Variants in AP3B1 observed in about 807,000 individuals in gnomAD.
AP3B1 encodes AP-3 complex subunit beta-1.
In AP3B1, 61 loss-of-function variants were observed where a neutral mutation model predicts 132.5. The ratio of observed to expected loss-of-function variants is 0.46; its 90% CI spans 0.37 to 0.57. The LOEUF (loss-of-function observed/expected upper bound fraction) is 0.57. Among genes scored for constraint, AP3B1 ranks in the 20% least tolerant of loss-of-function variants. The pLI is 0.00. For synonymous variants in AP3B1, 388 were observed against 438.3 expected, an observed-to-expected ratio of 0.89 and a Z score of 1.43; for missense variants, 1,120 against 1,289.4, an observed-to-expected ratio of 0.87 and a Z score of 2.01.
intron 3 of AP3B1, among the ~76,000 whole-genome samples, chr5:78,231,629 CAACA>C (rs1471549004): frequency 6.6e-6 from 1 of 152,016 alleles, no homozygotes; most frequent in Non-Finnish European, 1.5e-5. Flanking sequence ...GAAAGAACAA[CAACA>C]AACAAACAGA....
intron 2 of AP3B1, among the ~76,000 whole-genome samples, chr5:78,242,654 C>T (rs1416640073): frequency 6.6e-6 from 1 of 151,972 alleles, no homozygotes; most frequent in African/African-American, 2.4e-5. Context: ...TGATCCACCC[C>T]CCTCGGCCTC....
At chr5:78,176,233 G>A (rs1288834944) in intron 9 of AP3B1, among the ~76,000 whole-genome samples, 1 of 151,894 alleles carries the variant, frequency 6.6e-6, no homozygotes, top group Non-Finnish European at 1.5e-5. Flanking sequence ...TTTAAAAGTA[G>A]TCATGTTATT....
At chr5:78,138,089 T>C (rs948992618) in intron 15 of AP3B1, among the ~76,000 whole-genome samples, 1 of 152,234 alleles carries the variant, frequency 6.6e-6, no homozygotes, top group Non-Finnish European at 1.5e-5. Context: ...TCAAAACAAT[T>C]ATTTTAGTCT....
In AP3B1 at chr5:78,084,318, C is replaced by G. The variant is rs1052461812; in HGVS notation, c.2577+5075G>C. On this transcript the variant is annotated intron_variant, in intron 22 of 26. Coordinates refer to ENST00000255194, the MANE Select transcript of AP3B1 (RefSeq NM_003664.5). ...CAACATGGTGAAACCCTAGCTCTAC[C>G]AACAAAAATTAAAAAATTAGCCAAT... Among the ~76,000 whole-genome samples, 10 of 151,504 alleles carry G rather than the reference C, an allele frequency of 6.6e-5. No individual in the cohort carries two copies. The East Asian group carries it at 1.9e-3, about 29-fold the overall frequency.
At chr5:78,278,020 G>T (rs987420822) in intron 1 of AP3B1, among the ~76,000 whole-genome samples, 2 of 152,128 alleles carry the variant, frequency 1.3e-5, no homozygotes, top group African/African-American at 2.4e-5. Flanking sequence ...AGGAGATTAG[G>T]AATGTCTTCT....
chr5:78,056,272 C>A (rs187394192), intron 22 of AP3B1, among the ~76,000 whole-genome samples: 4 of 152,312 alleles, frequency 2.6e-5, no homozygotes, highest in African/African-American at 9.6e-5. Context: ...TAAACCACAA[C>A]CTCAGAGCTT....
At chr5:78,016,029 GC>G (rs1746842409) in intron 25 of AP3B1, among the ~76,000 whole-genome samples, 1 of 151,934 alleles carries the variant, frequency 6.6e-6, no homozygotes, top group Admixed American at 6.6e-5. Context: ...CTGGTAAATG[GC>G]CTCAGTATGA....
chr5:78,025,469 T>C (rs544545882), intron 24 of AP3B1, among the ~76,000 whole-genome samples: 1 of 152,294 alleles, frequency 6.6e-6, no homozygotes, highest in East Asian at 1.9e-4. Flanking sequence ...GCCTCTCTTG[T>C]AGCTAAGAGT....
Position 78,230,437 on chromosome 5 carries a change from G to T in AP3B1, c.280-2198C>A, listed in dbSNP as rs185705433. ...AATCCATCTATACTATACGGGTAGA[G>T]TTATAAATGAAATGAAAAAACCTTT... is the stretch of plus-strand genomic sequence containing the variant. On this transcript the variant is annotated intron_variant, in intron 3 of 26. Coordinates refer to ENST00000255194, the MANE Select transcript of AP3B1 (RefSeq NM_003664.5). Among the ~76,000 whole-genome samples, 176 of 152,252 alleles carry T rather than the reference G, an allele frequency of 1.2e-3. No individual in the cohort carries two copies. In the Middle Eastern group the frequency reaches 0.034, roughly 29 times the overall value.
At chr5:78,127,961 T>C (rs1752531029) in intron 17 of AP3B1, 69 bp downstream of exon 17, 6 of 1,575,460 alleles carry the variant, frequency 3.8e-6, no homozygotes, top group Non-Finnish European at 5.2e-6. Flanking sequence ...AAAGCTTTTA[T>C]ATAAAACAAT....
At chr5:78,253,810 A>G (rs1462640807) in intron 2 of AP3B1, among the ~76,000 whole-genome samples, 4 of 151,906 alleles carry the variant, frequency 2.6e-5, no homozygotes, top group African/African-American at 9.7e-5. Flanking sequence ...ACTAAAAAAT[A>G]TAAAAAATTA....
intron 1 of AP3B1, among the ~76,000 whole-genome samples, chr5:78,285,621 G>T (rs1405540167): frequency 6.6e-6 from 1 of 151,784 alleles, no homozygotes; most frequent in African/African-American, 2.4e-5. Context: ...ATGCCTAATC[G>T]CATCTCAAAC....
intron 15 of AP3B1, among the ~76,000 whole-genome samples, chr5:78,131,755 C>G (rs1269937675): frequency 6.6e-6 from 1 of 152,062 alleles, no homozygotes; most frequent in Non-Finnish European, 1.5e-5. Context: ...CACCATTTAA[C>G]CTGTTCAGTT....
intron 14 of AP3B1, 143 bp from the exon 15 acceptor site, chr5:78,141,462 A>G (rs1340637555): frequency 3.1e-6 from 2 of 654,024 alleles, no homozygotes; most frequent in Non-Finnish European, 5.1e-6. Context: ...GTATTTATGA[A>G]TTTTCGTCAG....
rs562751365 is a variant in AP3B1, at chr5:78,188,436, T to C, written c.787-6774A>G. Among the ~76,000 whole-genome samples, 3 of 152,084 alleles carry C rather than the reference T, an allele frequency of 2.0e-5. No homozygotes were observed. The East Asian group carries it at 5.8e-4, about 29-fold the overall frequency. ...TGGGCAAATGGTATGAACAGACACTTCTCAAAAAAAGATATACATGCAGCC... is the reference window on the plus strand; with the variant it reads ...TGGGCAAATGGTATGAACAGACACTCCTCAAAAAAAGATATACATGCAGCC... On this transcript the variant is annotated intron_variant, in intron 7 of 26. Transcript: ENST00000255194.
At chr5:78,163,635 G>T (rs1019069008) in intron 12 of AP3B1, among the ~76,000 whole-genome samples, 1 of 142,056 alleles carries the variant, frequency 7.0e-6, no homozygotes, top group African/African-American at 2.6e-5. Context: ...TATATATATA[G>T]TATACATATA....
intron 22 of AP3B1, among the ~76,000 whole-genome samples, chr5:78,056,710 C>G (rs1371878985): frequency 6.6e-6 from 1 of 152,130 alleles, no homozygotes; most frequent in Non-Finnish European, 1.5e-5. Flanking sequence ...CATTTAACAG[C>G]CTTTTAAAGA....
intron 22 of AP3B1, among the ~76,000 whole-genome samples, chr5:78,039,523 C>T (rs1385993120): frequency 3.9e-5 from 6 of 152,036 alleles, no homozygotes; most frequent in Non-Finnish European, 8.8e-5. Context: ...CGCCTGTAAT[C>T]CCAGCACTTT....
chr5:78,097,926 C>G (rs922826432), intron 21 of AP3B1, among the ~76,000 whole-genome samples: 6 of 152,208 alleles, frequency 3.9e-5, no homozygotes, highest in African/African-American at 1.4e-4. Flanking sequence ...TCATTTTGTT[C>G]TGTACTAAGA....
Sources: allele counts gnomAD v4.1 joint callset (sites outside exome capture counted in the v4.1 genomes callset), GRCh38; gene constraint gnomAD v4.1.1; transcripts MANE v1.5; gene names NCBI Gene and HGNC (gene_info 2026-07-23, HGNC 2026-07-21).